STUM: variants seen among roughly 807,000 people sequenced by gnomAD.
STUM encodes the protein protein stum homolog.
In STUM, 8 loss-of-function variants were observed where a neutral mutation model predicts 15.3. That is an observed-to-expected ratio of 0.52 (90% CI 0.31 to 0.94). STUM has a LOEUF of 0.94. Ranked by LOEUF, STUM falls within the 40% of genes least tolerant of loss-of-function variation. STUM has a pLI of 0.05. For missense variants in STUM, 142 were observed against 204.9 expected, an observed-to-expected ratio of 0.69 and a Z score of 1.87; for synonymous variants, 78 against 88.7, an observed-to-expected ratio of 0.88 and a Z score of 0.68.
intron 1 of STUM, among the ~76,000 whole-genome samples, chr1:226,550,341 G>C (rs1410771747): frequency 6.6e-6 from 1 of 152,220 alleles, no homozygotes; most frequent in Admixed American, 6.5e-5. Flanking sequence ...GCTGCGGCCA[G>C]AGCAGCCTAT....
intron 1 of STUM, among the ~76,000 whole-genome samples, chr1:226,579,880 G>C (rs1365006412): frequency 6.6e-6 from 1 of 152,100 alleles, no homozygotes; most frequent in East Asian, 1.9e-4. Flanking sequence ...GCCTCCCAAC[G>C]TGTTGGGATT....
intron 1 of STUM, among the ~76,000 whole-genome samples, chr1:226,570,662 C>T (rs1667692439): frequency 6.6e-6 from 1 of 152,178 alleles, no homozygotes; most frequent in South Asian, 2.1e-4. Flanking sequence ...GAGCTCCCTG[C>T]TTCCCCAGCA....
At chr1:226,560,916 C>T (rs572471584) in intron 1 of STUM, among the ~76,000 whole-genome samples, 11 of 152,314 alleles carry the variant, frequency 7.2e-5, no homozygotes, top group African/African-American at 2.4e-4. Context: ...GAGGGTCCAG[C>T]GAGCTTTACC....
At chr1:226,569,353 G>A (rs986034091) in intron 1 of STUM, among the ~76,000 whole-genome samples, 6 of 152,188 alleles carry the variant, frequency 3.9e-5, no homozygotes, top group Admixed American at 3.9e-4. Flanking sequence ...CCAGCTGTGA[G>A]AGGCCCAATG....
Position 226,549,852 on chromosome 1 carries a change from G to T in STUM, c.202+746G>T, listed in dbSNP as rs1460912518. Among the ~76,000 whole-genome samples the T allele has an allele frequency of 1.3e-5, 2 of 152,224 alleles. No individual in the cohort carries two copies. The highest frequency in any genetic ancestry group is 2.4e-5 in the African/African-American group (1 of 41,462). On this transcript the variant is annotated intron_variant, in intron 1 of 3. Coordinates refer to ENST00000366788, the MANE Select transcript of STUM (RefSeq NM_001003665.4). The surrounding 1 kb of genome is among the most constrained non-coding windows in gnomAD (Gnocchi z 6.8). ...GTGCAGGACTCCGGCAGCCGGCAGG[G>T]GTTCTGGTGGCATCTATGTCCCACG...
chr1:226,563,865 G>C (rs1667579521), intron 1 of STUM, among the ~76,000 whole-genome samples: 1 of 152,210 alleles, frequency 6.6e-6, no homozygotes, highest in South Asian at 2.1e-4. Context: ...TTGCCCTGTG[G>C]CCTGACTCAG....
Position 226,549,703 on chromosome 1 carries a change from C to T in STUM, c.202+597C>T, listed in dbSNP as rs1205051036. ...GGTACCTGCACTTCCGCCAGCACCCCGCAGGGCGCCAGGGGGATGGGGGAT... is the reference window on the plus strand; with the variant it reads ...GGTACCTGCACTTCCGCCAGCACCCTGCAGGGCGCCAGGGGGATGGGGGAT... On this transcript the variant is annotated intron_variant, in intron 1 of 3. Coordinates refer to ENST00000366788, the MANE Select transcript of STUM (RefSeq NM_001003665.4). The surrounding 1 kb of genome is among the most constrained non-coding windows in gnomAD (Gnocchi z 6.8). Among the ~76,000 whole-genome samples the T allele has an allele frequency of 6.6e-6, 1 of 152,178 alleles. No individual in the cohort carries two copies. The highest frequency in any genetic ancestry group is 1.5e-5 in the Non-Finnish European group (1 of 68,040).
chr1:226,578,189 G>A (rs952855901), intron 1 of STUM, among the ~76,000 whole-genome samples: 6 of 151,820 alleles, frequency 4.0e-5, no homozygotes, highest in Admixed American at 6.6e-5. Context: ...GTCTTTACGC[G>A]TCATCATGGT....
chr1:226,596,641 G>A (rs1668184385), intron 1 of STUM, among the ~76,000 whole-genome samples, 161 bp from the exon 2 acceptor site: 1 of 152,214 alleles, frequency 6.6e-6, no homozygotes, highest in African/African-American at 2.4e-5. Context: ...GTGGGCCAGG[G>A]TCTGGGCAGG....
intron 1 of STUM, among the ~76,000 whole-genome samples, chr1:226,576,717 A>G (rs941139147): frequency 1.3e-5 from 2 of 152,182 alleles, no homozygotes; most frequent in Admixed American, 1.3e-4. Flanking sequence ...TGTGCCCATT[A>G]ACATGAGCTG....
rs1316732980 is a variant in STUM, at chr1:226,608,897, G to T, written c.*6857G>T. On this transcript the variant is annotated 3_prime_UTR_variant, in exon 4 of 4. Transcript: ENST00000366788. This position sits in a 1 kb window ranked among gnomAD's most constrained non-coding sequence, Gnocchi z 4.0. ...GCAGACCTTCCCTGGGAGCTGCTTA[G>T]GTGGTCTCCACAGCGCCCTCTAGGG... 6.6e-6 allele frequency: 1 copy of T among 152,276 alleles called. No homozygotes were observed. Among genetic ancestry groups the T allele is most frequent in the Admixed American group, 6.5e-5 (1 of 15,284 alleles). 9.4% of individuals were successfully genotyped at this position (152,276 alleles called of 1,614,324 possible).
At chr1:226,601,788 T>C (rs766079181) in intron 3 of STUM, among the ~76,000 whole-genome samples, 1 of 146,300 alleles carries the variant, frequency 6.8e-6, no homozygotes, top group Non-Finnish European at 1.5e-5. Flanking sequence ...CCGTCATACA[T>C]TCCCAGTAGA....
At chr1:226,577,396 A>G (rs1402049340) in intron 1 of STUM, among the ~76,000 whole-genome samples, 1 of 152,234 alleles carries the variant, frequency 6.6e-6, no homozygotes, top group South Asian at 2.1e-4. Flanking sequence ...ACAGCTCGAG[A>G]CCATGGAGAA....
chr1:226,585,490 C>A (rs1295279262), intron 1 of STUM, among the ~76,000 whole-genome samples: 1 of 152,214 alleles, frequency 6.6e-6, no homozygotes, highest in Non-Finnish European at 1.5e-5. Flanking sequence ...ATGAGAAGTG[C>A]TGTTACCTGG....
chr1:226,595,343 C>T (rs1571812882), intron 1 of STUM, among the ~76,000 whole-genome samples: 1 of 152,248 alleles, frequency 6.6e-6, no homozygotes, highest in Admixed American at 6.5e-5. Context: ...ACACTGAGAG[C>T]GAGTCTTCCT....
intron 1 of STUM, among the ~76,000 whole-genome samples, chr1:226,571,279 T>G (rs1427625327): frequency 1.3e-5 from 2 of 151,486 alleles, no homozygotes; most frequent in Non-Finnish European, 2.9e-5. Context: ...GAAAAAAATT[T>G]GCATATAGAA....
In STUM at chr1:226,602,073, GC is replaced by G; in HGVS notation, c.*36del. 1 of 1,585,490 alleles carries G rather than the reference GC, an allele frequency of 6.3e-7. No homozygotes were observed. Reference sequence around the variant, plus strand: ...GGAGCCGCTGGGGAGATCCAGGGGGGCCCTGTGAGGGCTGCACCAGGCAGCT... The same window carrying G: ...GGAGCCGCTGGGGAGATCCAGGGGGGCCTGTGAGGGCTGCACCAGGCAGCT... On this transcript the variant is annotated 3_prime_UTR_variant, in exon 4 of 4. Coordinates refer to ENST00000366788, the MANE Select transcript of STUM (RefSeq NM_001003665.4).
chr1:226,563,153 TA>T (rs1240314291), intron 1 of STUM, among the ~76,000 whole-genome samples: 1 of 152,220 alleles, frequency 6.6e-6, no homozygotes, highest in African/African-American at 2.4e-5. Flanking sequence ...TATTTTAAAA[TA>T]AAAAGTTAAA....
chr1:226,589,630 A>G (rs1348891514), intron 1 of STUM, among the ~76,000 whole-genome samples: 1 of 152,326 alleles, frequency 6.6e-6, no homozygotes, highest in East Asian at 1.9e-4. Flanking sequence ...CCTAAGTCCC[A>G]GGTATCTTAC....
Sources: allele counts gnomAD v4.1 joint callset (sites outside exome capture counted in the v4.1 genomes callset), GRCh38; gene constraint gnomAD v4.1.1; non-coding constraint Gnocchi (gnomAD v3.1); transcripts MANE v1.5; gene names NCBI Gene and HGNC (gene_info 2026-07-23, HGNC 2026-07-21).